Variants in MATR3 observed in about 807,000 individuals in gnomAD.
The protein encoded by MATR3 is matrin 3.
Under a neutral mutation model 85.5 loss-of-function variants are expected in MATR3, and 4 were observed. The ratio of observed to expected loss-of-function variants is 0.05; its 90% CI spans 0.02 to 0.11. The LOEUF is 0.11. Ranked by LOEUF, MATR3 falls within the 10% of genes least tolerant of loss-of-function variation. The probability of loss-of-function intolerance (pLI) is 1.00; values close to 1 mark genes in which losing one functional copy is unlikely to be tolerated. For synonymous variants in MATR3, 336 were observed against 343.1 expected, an observed-to-expected ratio of 0.98 and a Z score of 0.23; for missense variants, 685 against 1,016.1, an observed-to-expected ratio of 0.67 and a Z score of 4.43.
At chr5:139,317,192 G>C (rs1755294693) in intron 6 of MATR3, 87 bp downstream of exon 6, 1 of 1,284,088 alleles carries the variant, frequency 7.8e-7, no homozygotes, top group Non-Finnish European at 1.1e-6. Context: ...AGTATGTATC[G>C]TGGTCCTTAT....
At chr5:139,327,864 A>AT (rs547796552) in intron 14 of MATR3, among the ~76,000 whole-genome samples, 33 of 148,078 alleles carry the variant, frequency 2.2e-4, no homozygotes, top group Middle Eastern at 3.4e-3. Flanking sequence ...TATTTTATTT[A>AT]TTTTTTTTTT....
chr5:139,316,944 T>C (rs1755278686), intron 5 of MATR3, 109 bp from the exon 6 acceptor site: 1 of 826,888 alleles, frequency 1.2e-6, no homozygotes, highest in Non-Finnish European at 2.1e-6. Flanking sequence ...TAATCATATA[T>C]TTGTAAGAGC....
At chr5:139,297,470 G>A (rs1198040132) in intron 1 of MATR3, among the ~76,000 whole-genome samples, 2 of 152,180 alleles carry the variant, frequency 1.3e-5, no homozygotes, top group African/African-American at 2.4e-5. Context: ...CAGAAAACAA[G>A]CCTATGGGTT....
chr5:139,320,743 C>CTTTTTTTTTTTT (rs1175972721), intron 9 of MATR3, among the ~76,000 whole-genome samples: 14 of 102,420 alleles, frequency 1.4e-4, no homozygotes, highest in African/African-American at 5.8e-4. Flanking sequence ...AAGCTTATTA[C>CTTTTTTTTTTTT]TTTTTTTTTT....
chr5:139,324,134 A>T (rs936388097), intron 12 of MATR3, among the ~76,000 whole-genome samples: 2 of 152,214 alleles, frequency 1.3e-5, no homozygotes, highest in Non-Finnish European at 2.9e-5. Context: ...TAAATTTATT[A>T]ATTTAATCCT....
chr5:139,288,512 T>C lies in MATR3; in HGVS notation c.-178+9383T>C, dbSNP rs76696632. 4.1e-3 allele frequency among the ~76,000 whole-genome samples: 621 copies of C among 152,328 alleles called. 8 individuals are homozygous for C. Among genetic ancestry groups the C allele is most frequent in the African/African-American group, 0.014 (595 of 41,574 alleles). On this transcript the variant is annotated intron_variant, in intron 3 of 16. Coordinates refer to ENST00000509990, the Ensembl canonical transcript of MATR3. ...ATCTAATAGTTGAGAACAAGATCAG[T>C]TGGAATCAGACTTGCAGAGTAGAAA... is the stretch of plus-strand genomic sequence containing the variant.
chr5:139,286,402 A>G (rs867222459), intron 3 of MATR3, among the ~76,000 whole-genome samples: 219 of 151,742 alleles, frequency 1.4e-3, no homozygotes, highest in African/African-American at 5.1e-3. Flanking sequence ...CTGGTCTCGA[A>G]CTGCCCTCAA....
At chr5:139,316,446 G>A (rs879849402) in intron 5 of MATR3, among the ~76,000 whole-genome samples, 20 of 151,888 alleles carry the variant, frequency 1.3e-4, no homozygotes, top group South Asian at 4.2e-4. Context: ...GGGTTTCACC[G>A]CGTTGGCCAG....
In MATR3 at chr5:139,314,655, A is replaced by C; in HGVS notation, c.913-20A>C. On this transcript the variant is annotated intron_variant, in intron 2 of 14. Coordinates refer to ENST00000394805, the MANE Select transcript of MATR3 (RefSeq NM_018834.6). ...TTTCAGCTTTATTTTTGTTAATTCTACTAATTTACTTTGCTGCAGGAGTGG... is the reference window on the plus strand; with the variant it reads ...TTTCAGCTTTATTTTTGTTAATTCTCCTAATTTACTTTGCTGCAGGAGTGG... 6.2e-7 allele frequency: 1 copy of C among 1,607,962 alleles called. No individual in the cohort carries two copies. The highest frequency in any genetic ancestry group is 1.1e-5 in the South Asian group (1 of 90,934).
intron 2 of MATR3, chr5:139,310,307 T>A (rs2151966629): frequency 6.6e-6 from 1 of 152,306 alleles, no homozygotes; most frequent in South Asian, 2.1e-4. Context: ...AAATACTGAG[T>A]ACATTTGAGA....
chr5:139,324,291 T>TG lies in MATR3; in HGVS notation c.2149-1149_2149-1148insG, dbSNP rs70982766. Among the ~76,000 whole-genome samples the TG allele has an allele frequency of 2.5e-4, 6 of 23,980 alleles. No individual in the cohort carries two copies. The East Asian group carries it at 6.1e-3, about 24-fold the overall frequency. 15.7% of individuals were successfully genotyped at this position (23,980 alleles called of 152,430 possible). A position where few individuals can be genotyped will look rare whatever the true frequency, so the allele number is the denominator to read the frequency against. ...GCAGTCATTCTTCAGAGCATGATTG[T>TG]TTTTTTTTTTTTTTTTTTTGGAGAC... is the stretch of plus-strand genomic sequence containing the variant. On this transcript the variant is annotated intron_variant, in intron 12 of 14. Coordinates refer to ENST00000394805, the MANE Select transcript of MATR3 (RefSeq NM_018834.6).
chr5:139,281,580 T>C (rs1753527847), intron 3 of MATR3, among the ~76,000 whole-genome samples: 1 of 151,754 alleles, frequency 6.6e-6, no homozygotes, highest in Non-Finnish European at 1.5e-5. Context: ...CTCAAACTCC[T>C]TACCTCAGGT....
At chr5:139,316,328 C>T (rs573453180) in intron 5 of MATR3, 140 bp downstream of exon 5, 16 of 669,460 alleles carry the variant, frequency 2.4e-5, no homozygotes, top group African/African-American at 5.4e-5. Context: ...TCACTGCAAC[C>T]TCTGCCTCCT....
chr5:139,319,561 A>T (rs778884931), intron 9 of MATR3, 60 bp downstream of exon 9: 11 of 1,477,744 alleles, frequency 7.4e-6, no homozygotes, highest in Non-Finnish European at 8.4e-6. Context: ...AGATTTTTCA[A>T]TATGGAGCTG....
intron 2 of MATR3, among the ~76,000 whole-genome samples, chr5:139,277,881 A>G (rs1353807657): frequency 6.6e-6 from 1 of 151,408 alleles, no homozygotes; most frequent in East Asian, 1.9e-4. Flanking sequence ...CACATCTAGC[A>G]CCTCACATAC....
In MATR3 at chr5:139,331,382, C is replaced by G. The variant is rs1756141064; in HGVS notation, c.*1987C>G. 4.4e-6 allele frequency: 2 copies of G among 453,940 alleles called. No individual in the cohort carries two copies. 28.1% of individuals were successfully genotyped at this position (453,940 alleles called of 1,614,324 possible). A position where few individuals can be genotyped will look rare whatever the true frequency, so the allele number is the denominator to read the frequency against. On this transcript the variant is annotated 3_prime_UTR_variant, in exon 15 of 15. Coordinates refer to ENST00000394805, the MANE Select transcript of MATR3 (RefSeq NM_018834.6). ...GCACAATGGAGTTCTTCAGTGTTTC[C>G]TTTCAGTGATGGCTTTTTCATAGCT...
chr5:139,278,573 C>T (rs571432057), intron 2 of MATR3: 319 of 357,382 alleles, frequency 8.9e-4, no homozygotes, highest in Non-Finnish European at 1.4e-3. Context: ...AGATCCCAAT[C>T]GCAGTGCTTG....
At chr5:139,295,934 C>T (rs1754125407) in intron 1 of MATR3, among the ~76,000 whole-genome samples, 1 of 152,092 alleles carries the variant, frequency 6.6e-6, no homozygotes, top group Admixed American at 6.6e-5. Flanking sequence ...AGTAATCCTC[C>T]CACCTCAGCC....
intron 14 of MATR3, among the ~76,000 whole-genome samples, chr5:139,328,178 TAA>T (rs973702803): frequency 6.5e-5 from 9 of 138,740 alleles, no homozygotes; most frequent in African/African-American, 5.3e-5. Context: ...TTCCTTTTAT[TAA>T]AAAAAAAAAA....
Sources: gnomAD v4.1 joint callset for allele counts (sites outside exome capture counted in the v4.1 genomes callset) on GRCh38, gnomAD v4.1.1 for gene constraint, MANE v1.5 for transcripts, NCBI Gene and HGNC (gene_info 2026-07-23, HGNC 2026-07-21) for gene names.